Variants in PRKCB observed in about 807,000 individuals in gnomAD.
PRKCB encodes the protein protein kinase C beta type.
PRKCB carries 13 observed loss-of-function variants against 81.5 expected under a neutral mutation model. The observed-to-expected ratio is 0.16, with a 90% confidence interval of 0.10 to 0.25. The LOEUF is 0.25. PRKCB is among the 10% of genes least tolerant of loss of function. The pLI is 1.00. For synonymous variants in PRKCB, 335 were observed against 321.4 expected, an observed-to-expected ratio of 1.04 and a Z score of -0.45; for missense variants, 509 against 875.7, an observed-to-expected ratio of 0.58 and a Z score of 5.29.
chr16:23,865,380 G>A (rs1256719430), intron 2 of PRKCB, among the ~76,000 whole-genome samples: 7 of 139,296 alleles, frequency 5.0e-5, no homozygotes, highest in African/African-American at 1.6e-4. Context: ...ACACCTCACT[G>A]CAACCCTGAC....
intron 15 of PRKCB, among the ~76,000 whole-genome samples, chr16:24,187,521 T>C (rs1967721984): frequency 6.6e-6 from 1 of 152,168 alleles, no homozygotes; most frequent in South Asian, 2.1e-4. Context: ...GCTGACGCTA[T>C]TGTGTTATCT....
chr16:23,889,164 ATCCATCCG>A (rs1963252135), intron 2 of PRKCB, among the ~76,000 whole-genome samples: 2 of 133,422 alleles, frequency 1.5e-5, no homozygotes, highest in Admixed American at 7.3e-5. Flanking sequence ...CCATCCATCC[ATCCATCCG>A]TCCATCCACA....
At chr16:24,111,974 G>A (rs1966681403) in intron 7 of PRKCB, among the ~76,000 whole-genome samples, 1 of 152,172 alleles carries the variant, frequency 6.6e-6, no homozygotes, top group Non-Finnish European at 1.5e-5. Flanking sequence ...GAGAAAAACA[G>A]AGGCCCAGAG....
chr16:23,868,602 A>G (rs1261308980), intron 2 of PRKCB, among the ~76,000 whole-genome samples: 1 of 152,246 alleles, frequency 6.6e-6, no homozygotes, highest in Non-Finnish European at 1.5e-5. Context: ...TGGCAGAGCC[A>G]TGATTTAAAT....
intron 7 of PRKCB, among the ~76,000 whole-genome samples, chr16:24,096,666 A>AATATATATATATATATATATATAT (rs58341820): frequency 1.5e-4 from 5 of 32,684 alleles, no homozygotes; most frequent in East Asian, 2.3e-3. Context: ...AAAAAAAAAA[A>AATATATATATATATATATATATAT]ATATATATAT....
intron 5 of PRKCB, among the ~76,000 whole-genome samples, chr16:24,072,231 C>T (rs993684497): frequency 2.0e-5 from 3 of 152,136 alleles, no homozygotes; most frequent in Non-Finnish European, 2.9e-5. Context: ...CTACCCATCC[C>T]TGCCTTCTCC....
chr16:23,886,418 T>TTTTTTGTTTTTTTTTTG (rs1963203397), intron 2 of PRKCB, among the ~76,000 whole-genome samples: 2 of 141,164 alleles, frequency 1.4e-5, no homozygotes, highest in African/African-American at 2.7e-5. Flanking sequence ...TTTTTTTTTT[T>TTTTTTGTTTTTTTTTTG]TTTTTTTTTT....
chr16:23,977,654 G>A (rs1278954453), intron 2 of PRKCB, among the ~76,000 whole-genome samples: 1 of 152,194 alleles, frequency 6.6e-6, no homozygotes, highest in Non-Finnish European at 1.5e-5. Flanking sequence ...TGGAAAGAAC[G>A]GTTCTCTCCA....
intron 2 of PRKCB, among the ~76,000 whole-genome samples, chr16:23,841,445 C>A (rs1027018984): frequency 6.7e-6 from 1 of 150,370 alleles, no homozygotes; most frequent in Non-Finnish European, 1.5e-5. Flanking sequence ...TTAAAGTCTT[C>A]TCTAAGAAGA....
intron 2 of PRKCB, among the ~76,000 whole-genome samples, chr16:23,895,622 C>T (rs981630167): frequency 1.3e-5 from 2 of 152,088 alleles, no homozygotes; most frequent in African/African-American, 4.8e-5. Flanking sequence ...TCATGATTCT[C>T]CAGTCTTATT....
intron 5 of PRKCB, among the ~76,000 whole-genome samples, chr16:24,068,624 T>A (rs1966070833): frequency 6.6e-6 from 1 of 152,160 alleles, no homozygotes; most frequent in African/African-American, 2.4e-5. Context: ...CCAAGTGGTA[T>A]GATATTAAAT....
At chr16:24,041,592 A>G (rs1468147390) in intron 5 of PRKCB, among the ~76,000 whole-genome samples, 1 of 151,884 alleles carries the variant, frequency 6.6e-6, no homozygotes, top group Non-Finnish European at 1.5e-5. Context: ...ATTGTGTTAT[A>G]CAGAAACTTT....
chr16:24,170,047 G>T (rs1302617548), intron 10 of PRKCB, among the ~76,000 whole-genome samples: 2 of 152,300 alleles, frequency 1.3e-5, no homozygotes, highest in Non-Finnish European at 2.9e-5. Context: ...CTCCCAAAGT[G>T]CTGGGATTAC....
At chr16:23,891,533 C>A (rs1451154736) in intron 2 of PRKCB, among the ~76,000 whole-genome samples, 1 of 152,134 alleles carries the variant, frequency 6.6e-6, no homozygotes, top group Non-Finnish European at 1.5e-5. Context: ...CAGGGGCTCT[C>A]TTGGACACTT....
intron 2 of PRKCB, among the ~76,000 whole-genome samples, chr16:23,888,378 C>T (rs1419815302): frequency 6.6e-6 from 1 of 152,182 alleles, no homozygotes; most frequent in African/African-American, 2.4e-5. Context: ...GCTGGCCCTC[C>T]TCTAGGAGAT....
At chr16:23,863,405 A>C (rs1193896458) in intron 2 of PRKCB, among the ~76,000 whole-genome samples, 1 of 151,722 alleles carries the variant, frequency 6.6e-6, no homozygotes, top group Non-Finnish European at 1.5e-5. Flanking sequence ...TTTGCTTTGC[A>C]CTGTGGACTC....
intron 2 of PRKCB, among the ~76,000 whole-genome samples, chr16:23,926,130 G>A (rs1343547683): frequency 6.6e-6 from 1 of 151,474 alleles, no homozygotes; most frequent in Admixed American, 6.6e-5. Flanking sequence ...AATTAGCCAG[G>A]CATCGTGTTG....
At chr16:24,131,735 C>T (rs1220021396) in intron 9 of PRKCB, among the ~76,000 whole-genome samples, 1 of 151,904 alleles carries the variant, frequency 6.6e-6, no homozygotes, top group Non-Finnish European at 1.5e-5. Context: ...GTTTGATATA[C>T]CAGTTATATA....
chr16:23,971,364 C>G (rs955440029), intron 2 of PRKCB, among the ~76,000 whole-genome samples: 1 of 152,174 alleles, frequency 6.6e-6, no homozygotes, highest in African/African-American at 2.4e-5. Flanking sequence ...CGTGCTCCTT[C>G]TCTCCTCCCC....
Sources: gnomAD v4.1 joint callset for allele counts (sites outside exome capture counted in the v4.1 genomes callset) on GRCh38, gnomAD v4.1.1 for gene constraint, MANE v1.5 for transcripts, NCBI Gene and HGNC (gene_info 2026-07-23, HGNC 2026-07-21) for gene names.